UGT1A4: variants seen among roughly 807,000 people sequenced by gnomAD.
The protein encoded by UGT1A4 is UDP-glucuronosyltransferase 1A4.
A neutral mutation model predicts 41.1 loss-of-function variants in UGT1A4; 32 were observed. That is an observed-to-expected ratio of 0.78 (90% CI 0.59 to 1.05). The LOEUF is 1.05. UGT1A4 is among the 50% of genes least tolerant of loss of function. The probability of loss-of-function intolerance (pLI) is 0.00; values close to 1 mark genes in which losing one functional copy is unlikely to be tolerated. For missense variants in UGT1A4, 748 were observed against 677.4 expected (o/e 1.10, Z -1.16); for synonymous variants, 283 against 265.1 (o/e 1.07, Z -0.66).
At chr2:233,720,685 A>G (rs2076880777) in intron 1 of UGT1A4, among the ~76,000 whole-genome samples, 1 of 151,384 alleles carries the variant, frequency 6.6e-6, no homozygotes, top group Non-Finnish European at 1.5e-5. Flanking sequence ...TGGTTTCTAA[A>G]TCCATTAAGG....
intron 1 of UGT1A4, among the ~76,000 whole-genome samples, chr2:233,745,926 AAGGG>A (rs1399819653): frequency 2.0e-5 from 3 of 151,524 alleles, no homozygotes; most frequent in East Asian, 3.9e-4. Context: ...AGTGATTCAG[AAGGG>A]ACAGCTGGGG....
In UGT1A4 at chr2:233,772,139, G is replaced by T. The variant is rs1700470475; in HGVS notation, c.1308-123G>T. ...AAAAACAACAACAACAACAATAATA[G>T]AAACAGGTTTCCTTTCCCAAGTTTG... On this transcript the variant is annotated intron_variant, in intron 4 of 4. Coordinates refer to ENST00000373409, the MANE Select transcript of UGT1A4 (RefSeq NM_007120.3). The T allele has an allele frequency of 5.2e-6, 8 of 1,548,574 alleles. No homozygotes were observed. In the Admixed American group the frequency reaches 1.2e-4, roughly 23 times the overall value.
chr2:233,762,498 T>G (rs1698092271), intron 1 of UGT1A4, among the ~76,000 whole-genome samples: 1 of 152,236 alleles, frequency 6.6e-6, no homozygotes, highest in African/African-American at 2.4e-5. Flanking sequence ...TGCTATTACT[T>G]TTTAAACTAT....
intron 1 of UGT1A4, among the ~76,000 whole-genome samples, chr2:233,751,390 T>C (rs1694715648): frequency 6.6e-6 from 1 of 152,170 alleles, no homozygotes; most frequent in Non-Finnish European, 1.5e-5. Flanking sequence ...TTGTCTCAGA[T>C]AAGACTTTGG....
At chr2:233,736,657 T>G (rs571352922) in intron 1 of UGT1A4, among the ~76,000 whole-genome samples, 1 of 152,376 alleles carries the variant, frequency 6.6e-6, no homozygotes, top group African/African-American at 2.4e-5. Context: ...TGTGGTTTTA[T>G]GTACCTTAGG....
rs1692738477 is a variant in UGT1A4, at chr2:233,744,224, A to C, written c.868-22810A>C. Reference sequence around the variant, plus strand: ...ATGGGAAAAAGAGGTTGGGGAAAAGAGAGGGCCTTGACTTTGGCTGCCTGA... The same window carrying C: ...ATGGGAAAAAGAGGTTGGGGAAAAGCGAGGGCCTTGACTTTGGCTGCCTGA... On this transcript the variant is annotated intron_variant, in intron 1 of 4. Coordinates refer to ENST00000373409, the MANE Select transcript of UGT1A4 (RefSeq NM_007120.3). 1.3e-5 allele frequency among the ~76,000 whole-genome samples: 2 copies of C among 151,816 alleles called. 1 individual carries two copies. Among genetic ancestry groups the C allele is most frequent in the African/African-American group, 4.9e-5 (2 of 41,070 alleles).
intron 1 of UGT1A4, chr2:233,753,763 T>C (rs1695302197): frequency 1.3e-5 from 2 of 152,344 alleles, no homozygotes; most frequent in South Asian, 4.1e-4. Context: ...TGCGTGGCCC[T>C]TTGGAAACGC....
chr2:233,747,849 A>C, intron 1 of UGT1A4: 1 of 1,613,552 alleles, frequency 6.2e-7, no homozygotes. Flanking sequence ...AAGGGTCAAG[A>C]ACATGCTCTA....
chr2:233,719,047 C>T lies in UGT1A4; in HGVS notation c.227C>T (p.Thr76Ile), dbSNP rs970652650. 6.2e-7 allele frequency: 1 copy of T among 1,614,252 alleles called. No homozygotes were observed. Among genetic ancestry groups the T allele is most frequent in the Non-Finnish European group, 8.5e-7 (1 of 1,180,036 alleles). Residue 76 changes from threonine (T) to isoleucine (I), a missense_variant, in exon 1 of 5, where the codon ACC becomes ATC. Thr to Ile is a moderately conservative substitution (Grantham distance 89). Coordinates refer to ENST00000373409, the MANE Select transcript of UGT1A4 (RefSeq NM_007120.3). ...NMHIKEEKFFTLTAYAVPWTQ... is the reference protein window; with the variant it reads ...NMHIKEEKFFILTAYAVPWTQ... ...CACATCAAAGAAGAGAAATTTTTCA[C>T]CCTGACAGCCTATGCTGTTCCATGG... is the stretch of plus-strand genomic sequence containing the variant.
chr2:233,719,036 G>T lies in UGT1A4; in HGVS notation c.216G>T (p.Glu72Asp), dbSNP rs148862762. Reference sequence around the variant, plus strand: ...AGGTGAATATGCACATCAAAGAAGAGAAATTTTTCACCCTGACAGCCTATG... The same window carrying T: ...AGGTGAATATGCACATCAAAGAAGATAAATTTTTCACCCTGACAGCCTATG... ...TPEVNMHIKEEKFFTLTAYAV... is the reference protein window; with the variant it reads ...TPEVNMHIKEDKFFTLTAYAV... The change falls in exon 1 of 5, where the codon GAG (glutamate) becomes GAT (aspartate). Residue 72 changes from glutamate to aspartate, a missense_variant. Physicochemically the swap from Glu to Asp is conservative, Grantham distance 45. Transcript: ENST00000373409. 1.2e-4 allele frequency: 194 copies of T among 1,614,156 alleles called. 1 individual carries two copies. The highest frequency in any genetic ancestry group is 3.6e-5 in the Non-Finnish European group (43 of 1,180,050).
chr2:233,727,791 C>T (rs1410826393), intron 1 of UGT1A4, among the ~76,000 whole-genome samples: 1 of 152,234 alleles, frequency 6.6e-6, no homozygotes, highest in Non-Finnish European at 1.5e-5. Flanking sequence ...CTTCCATTCA[C>T]TGCCTGTCCC....
rs189834319 is a variant in UGT1A4, at chr2:233,769,760, C to T, written c.1307+1321C>T. On this transcript the variant is annotated intron_variant, in intron 4 of 4. Transcript: ENST00000373409. The surrounding 1 kb of genome is among the most constrained non-coding windows in gnomAD (Gnocchi z 4.4). ...GTCCCAGCCACTCTGGAGGCTAAGG[C>T]GGGAGGATTGCTTGAGCCCAGAAGT... The T allele has an allele frequency of 8.3e-4, 1,153 of 1,396,052 alleles. 4 individuals are homozygous for T. The African/African-American group carries it at 9.8e-3, about 12-fold the overall frequency. 86.5% of individuals were successfully genotyped at this position (1,396,052 alleles called of 1,614,324 possible).
Position 233,769,697 on chromosome 2 carries a change from A to G in UGT1A4, c.1307+1258A>G. 6.5e-7 allele frequency: 1 copy of G among 1,535,580 alleles called. No individual in the cohort carries two copies. Among genetic ancestry groups the G allele is most frequent in the South Asian group, 1.2e-5 (1 of 80,726 alleles). On this transcript the variant is annotated intron_variant, in intron 4 of 4. Coordinates refer to ENST00000373409, the MANE Select transcript of UGT1A4 (RefSeq NM_007120.3). This position sits in a 1 kb window ranked among gnomAD's most constrained non-coding sequence, Gnocchi z 4.4. ...TGTGTGTGTGGTGGCACTGGATAAAAGATCAATGTTGGCTAGGCACCATGG... is the reference window on the plus strand; with the variant it reads ...TGTGTGTGTGGTGGCACTGGATAAAGGATCAATGTTGGCTAGGCACCATGG...
chr2:233,743,619 A>G, intron 1 of UGT1A4: 2 of 1,367,304 alleles, frequency 1.5e-6, no homozygotes, highest in African/African-American at 3.0e-5. Context: ...AACTCCCTGA[A>G]GACGTCGGCT....
intron 1 of UGT1A4, among the ~76,000 whole-genome samples, chr2:233,734,479 AT>A (rs1271707890): frequency 6.6e-6 from 1 of 151,796 alleles, no homozygotes; most frequent in Non-Finnish European, 1.5e-5. Flanking sequence ...GGATTCATTG[AT>A]TTTTTTGAAG....
intron 1 of UGT1A4, among the ~76,000 whole-genome samples, chr2:233,727,472 C>T (rs1025234112): frequency 7.2e-5 from 11 of 152,134 alleles, no homozygotes; most frequent in African/African-American, 2.4e-4. Flanking sequence ...CTAAATAAAA[C>T]ACTACTACTT....
rs1457115854 is a variant in UGT1A4, at chr2:233,724,955, G to A, written c.867+5268G>A. The stretch of plus-strand genomic sequence containing the variant: ...ACTCCGTCTGCAATCCCGGCACCTC[G>A]GGAGGCCGAGGTTGGCGGATCACTC... On this transcript the variant is annotated intron_variant, in intron 1 of 4. Coordinates refer to ENST00000373409, the MANE Select transcript of UGT1A4 (RefSeq NM_007120.3). Among the ~76,000 whole-genome samples the A allele has an allele frequency of 3.5e-5, 5 of 143,484 alleles. 1 individual carries two copies. The highest frequency in any genetic ancestry group is 2.1e-4 in the East Asian group (1 of 4,762). The allele number at this position is 143,484 out of a possible 152,430, so 94.1% of individuals were successfully genotyped here.
chr2:233,769,948 G>A lies in UGT1A4; in HGVS notation c.1307+1509G>A, dbSNP rs34217924. ...TGTGGTCCCATTCCTTCCTTCCAGC[G>A]GCTTCTTCTGGCCACCTCAATGTCA... On this transcript the variant is annotated intron_variant, in intron 4 of 4. Transcript: ENST00000373409. The surrounding 1 kb of genome is among the most constrained non-coding windows in gnomAD (Gnocchi z 4.4). The A allele has an allele frequency of 2.0e-3, 447 of 222,054 alleles. 3 individuals carry two copies. The highest frequency in any genetic ancestry group is 0.017 in the East Asian group (164 of 9,732). The allele number at this position is 222,054 out of a possible 1,614,324, so 13.8% of individuals were successfully genotyped here. A position where few individuals can be genotyped will look rare whatever the true frequency, so the allele number is the denominator to read the frequency against.
intron 1 of UGT1A4, chr2:233,729,723 A>G (rs563184062): frequency 1.2e-5 from 19 of 1,613,938 alleles, no homozygotes; most frequent in African/African-American, 8.0e-5. Context: ...GATTACTAAC[A>G]ACCAATTCAG....
Sources: allele counts gnomAD v4.1 joint callset (sites outside exome capture counted in the v4.1 genomes callset), GRCh38; gene constraint gnomAD v4.1.1; non-coding constraint Gnocchi (gnomAD v3.1); transcripts MANE v1.5; gene names NCBI Gene and HGNC (gene_info 2026-07-23, HGNC 2026-07-21).